Variants in ZNF682 observed in about 807,000 individuals in gnomAD.
ZNF682 encodes zinc finger protein 682.
ZNF682 carries 29 observed loss-of-function variants against 36.5 expected under a neutral mutation model. That is an observed-to-expected ratio of 0.80 (90% CI 0.59 to 1.08). ZNF682 has a LOEUF of 1.08. Among genes scored for constraint, ZNF682 ranks in the 50% least tolerant of loss-of-function variants. The probability of loss-of-function intolerance (pLI) is 0.00; values close to 1 mark genes in which losing one functional copy is unlikely to be tolerated. For missense variants in ZNF682, 561 were observed against 579.7 expected (o/e 0.97, Z 0.33); for synonymous variants, 180 against 197.0 (o/e 0.91, Z 0.72).
In ZNF682 at chr19:20,006,698, C is replaced by T; in HGVS notation, c.804G>A (p.Trp268Ter). 6.2e-7 allele frequency: 1 copy of T among 1,613,778 alleles called. No individual in the cohort carries two copies. The highest frequency in any genetic ancestry group is 8.5e-7 in the Non-Finnish European group (1 of 1,179,940). Residue 268 changes from tryptophan to a stop codon, truncating the protein, a stop_gained, in exon 4 of 4, where the codon TGG becomes TGA. Coordinates refer to ENST00000397165, the MANE Select transcript of ZNF682 (RefSeq NM_033196.3). LOFTEE classifies it high-confidence loss of function. ...TCTTATGTCTAACAAAGGGTGAACA[C>T]CAGTGAAAGGCTTTTCCACATTCTT... The part of the protein sequence containing the change: ...KCEECGKAFH[W>*]CSPFVRHKKI...
downstream of ZNF682, among the ~76,000 whole-genome samples, chr19:20,002,906 C>A (rs2088178156): frequency 6.6e-6 from 1 of 151,980 alleles, no homozygotes; most frequent in South Asian, 2.1e-4. Flanking sequence ...AAAAGAACAA[C>A]AAGGCCAGGC....
At chr19:20,015,470 A>C (rs2088326782) in intron 3 of ZNF682, 1 of 951,306 alleles carries the variant, frequency 1.1e-6, no homozygotes. Flanking sequence ...TAATATATGA[A>C]TAAAAACTAA....
downstream of ZNF682, among the ~76,000 whole-genome samples, chr19:20,002,326 C>T (rs1207876184): frequency 4.6e-5 from 7 of 151,036 alleles, no homozygotes. Flanking sequence ...ATCTCCTGAC[C>T]TCATGATCCG....
Position 20,006,041 on chromosome 19 carries a change from C to G in ZNF682, c.1461G>C (p.Gly487=). 6.2e-7 allele frequency: 1 copy of G among 1,605,794 alleles called. No homozygotes were observed. Among genetic ancestry groups the G allele is most frequent in the Non-Finnish European group, 8.5e-7 (1 of 1,174,886 alleles). Residue 487 remains glycine, a synonymous_variant, in exon 4 of 4, where the codon GGG becomes GGC. Transcript: ENST00000397165. The part of the protein sequence containing the change: ...GEKSCKYKKC[G]EAFNHCSNLT... ...GGTTTGAGCAGTGATTAAAAGCTTC[C>G]CCACATTTTTTATACTTGCAGGATT... is the stretch of plus-strand genomic sequence containing the variant.
chr19:20,027,581 G>A (rs2088442235), intron 1 of ZNF682, among the ~76,000 whole-genome samples: 1 of 152,152 alleles, frequency 6.6e-6, no homozygotes, highest in African/African-American at 2.4e-5. Flanking sequence ...CCAACATGGA[G>A]AAACCTTGTC....
At chr19:20,019,239 C>T (rs1185554128) in intron 3 of ZNF682, among the ~76,000 whole-genome samples, 1 of 151,808 alleles carries the variant, frequency 6.6e-6, no homozygotes, top group African/African-American at 2.4e-5. Flanking sequence ...ACTGTAACCA[C>T]CCCCCCAAAA....
chr19:20,016,927 A>T (rs996312102), intron 3 of ZNF682, among the ~76,000 whole-genome samples: 3 of 152,162 alleles, frequency 2.0e-5, no homozygotes, highest in African/African-American at 7.2e-5. Flanking sequence ...ATACGAAATG[A>T]TATAATGTGA....
intron 1 of ZNF682, among the ~76,000 whole-genome samples, chr19:20,036,325 C>T (rs1033718715): frequency 7.2e-5 from 11 of 151,784 alleles, no homozygotes; most frequent in Non-Finnish European, 1.2e-4. Context: ...TCCTATCCTT[C>T]GTGTTTTCTG....
chr19:20,017,402 G>T (rs767392889), intron 3 of ZNF682, among the ~76,000 whole-genome samples: 1 of 152,150 alleles, frequency 6.6e-6, no homozygotes, highest in Non-Finnish European at 1.5e-5. Context: ...GCTCAAGTGG[G>T]TGGGGTGGCC....
chr19:20,025,676 CAAAA>C (rs1425276116), intron 1 of ZNF682, among the ~76,000 whole-genome samples: 1 of 104,676 alleles, frequency 9.6e-6, no homozygotes, highest in East Asian at 2.8e-4. Flanking sequence ...GACTCCATCT[CAAAA>C]AAAAAGAAAA....
chr19:20,021,937 G>A (rs540221159), intron 3 of ZNF682, among the ~76,000 whole-genome samples: 38 of 151,960 alleles, frequency 2.5e-4, no homozygotes, highest in African/African-American at 3.9e-4. Context: ...TTGGGAGACC[G>A]AGGCGGGTGG....
Position 20,006,516 on chromosome 19 carries a change from G to A in ZNF682, c.986C>T (p.Thr329Ile), listed in dbSNP as rs377389986. 2.3e-5 allele frequency: 37 copies of A among 1,613,958 alleles called. No individual in the cohort carries two copies. The African/African-American group carries it at 4.4e-4, about 19-fold the overall frequency. ...GKAFNHCSLL[T>I]IHERTHTGEK... is the part of the protein sequence containing the mutation. ...TCCCGTATGGGTTCTCTCATGTATA[G>A]TAAGTAGTGAGCAGTGGTTAAAGGC... The change falls in exon 4 of 4, where the codon ACT becomes ATT. Residue 329 changes from threonine (T) to isoleucine (I), a missense_variant. Physicochemically the swap from Thr to Ile is moderately conservative, Grantham distance 89. Transcript: ENST00000397165.
intron 3 of ZNF682, among the ~76,000 whole-genome samples, chr19:20,010,175 G>A (rs1376015033): frequency 1.3e-5 from 2 of 152,100 alleles, no homozygotes; most frequent in African/African-American, 2.4e-5. Flanking sequence ...GGCATCACAA[G>A]GTGCTTAAGA....
At chr19:20,018,441 GAAC>G (rs200779958) in intron 3 of ZNF682, among the ~76,000 whole-genome samples, 5 of 152,034 alleles carry the variant, frequency 3.3e-5, no homozygotes, top group African/African-American at 1.2e-4. Flanking sequence ...CCTTTAAAAA[GAAC>G]AACAAAGAGG....
chr19:20,036,658 A>C (rs1226064879), intron 1 of ZNF682, among the ~76,000 whole-genome samples: 1 of 151,634 alleles, frequency 6.6e-6, no homozygotes, highest in East Asian at 1.9e-4. Flanking sequence ...AGAAGCAGAG[A>C]AAAAAGGTAC....
At chr19:20,009,276 C>T (rs2122312495) in intron 3 of ZNF682, among the ~76,000 whole-genome samples, 1 of 152,176 alleles carries the variant, frequency 6.6e-6, no homozygotes, top group Non-Finnish European at 1.5e-5. Context: ...GAAAGTATTT[C>T]AGAGCTCAGA....
intron 3 of ZNF682, 155 bp from the exon 4 acceptor site, chr19:20,007,430 G>A (rs2088237925): frequency 6.3e-6 from 4 of 633,488 alleles, no homozygotes; most frequent in African/African-American, 3.7e-5. Flanking sequence ...ACAAAATGTT[G>A]AGTAAAACAT....
chr19:20,034,825 G>A (rs184331679), intron 1 of ZNF682, among the ~76,000 whole-genome samples: 2 of 151,864 alleles, frequency 1.3e-5, no homozygotes, highest in African/African-American at 2.4e-5. Flanking sequence ...GGTCAGGCCC[G>A]GTGGCTCATG....
intron 3 of ZNF682, among the ~76,000 whole-genome samples, chr19:20,018,541 T>A (rs2088357883): frequency 6.6e-6 from 1 of 152,072 alleles, no homozygotes; most frequent in African/African-American, 2.4e-5. Flanking sequence ...AATAAATGGA[T>A]GATAAAACAA....
Sources: allele counts gnomAD v4.1 joint callset (sites outside exome capture counted in the v4.1 genomes callset), GRCh38; gene constraint gnomAD v4.1.1; transcripts MANE v1.5; gene names NCBI Gene and HGNC (gene_info 2026-07-23, HGNC 2026-07-21).